Variants in CCDC159 observed in about 807,000 individuals in gnomAD.
CCDC159 encodes the protein coiled-coil domain containing 159.
A neutral mutation model predicts 50.9 loss-of-function variants in CCDC159; 40 were observed. The ratio of observed to expected loss-of-function variants is 0.79; its 90% confidence interval spans 0.61 to 1.02. The LOEUF is 1.02. CCDC159 is among the 50% of genes least tolerant of loss of function. CCDC159 has a pLI of 0.00. For synonymous variants in CCDC159, 146 were observed against 138.9 expected, an observed-to-expected ratio of 1.05 and a Z score of -0.36; for missense variants, 356 against 371.5, an observed-to-expected ratio of 0.96 and a Z score of 0.34.
chr19:11,347,907 G>A (rs989595669), intron 1 of CCDC159, among the ~76,000 whole-genome samples: 1 of 152,158 alleles, frequency 6.6e-6, no homozygotes, highest in Non-Finnish European at 1.5e-5. Context: ...CACGGGTCTG[G>A]GCCCCAATTC....
rs1197549189 is a variant in CCDC159 at position 11,350,981 on chromosome 19, C to A, written c.400C>A (p.Leu134Met). ...RARTTRCLQL[L>M]AQEIRDSKKF... ...CCGCACCACTCGCTGCCTGCAGCTG[C>A]TGGCCCAGGAGATCCGGGACAGGTC... Residue 134 changes from leucine (L) to methionine (M), a missense_variant, in exon 5 of 11, where the codon CTG becomes ATG. Leu to Met is a conservative substitution (Grantham distance 15). Transcript: ENST00000458408. The A allele has an allele frequency of 1.3e-6, 2 of 1,552,490 alleles. No homozygotes were observed. Among genetic ancestry groups the A allele is most frequent in the South Asian group, 2.4e-5 (2 of 84,052 alleles).
intron 5 of CCDC159, 69 bp from the exon 6 acceptor site, chr19:11,351,837 C>G (rs1223386303): frequency 7.1e-7 from 1 of 1,409,770 alleles, no homozygotes. Context: ...TGGGTGGAGG[C>G]ACAGATAGGG....
intron 10 of CCDC159, 54 bp downstream of exon 10, chr19:11,354,750 T>C (rs769405320): frequency 1.2e-6 from 2 of 1,609,232 alleles, no homozygotes; most frequent in East Asian, 4.5e-5. Flanking sequence ...GACCTGCCCT[T>C]GACTCCCACA....
chr19:11,348,908 G>T (rs1257418443), intron 1 of CCDC159: 1 of 1,208,424 alleles, frequency 8.3e-7, no homozygotes, highest in Non-Finnish European at 1.1e-6. Context: ...GACACTGGGA[G>T]GGGCTGGGAA....
chr19:11,351,285 G>T (rs1297850699), intron 5 of CCDC159: 1 of 340,146 alleles, frequency 2.9e-6, no homozygotes, highest in Non-Finnish European at 5.4e-6. Context: ...AAAAATACAA[G>T]AATTAGTCAG....
rs775339880 is a variant in CCDC159, at chr19:11,350,118, G to A, written c.145G>A (p.Ala49Thr). 6.8e-6 allele frequency: 11 copies of A among 1,613,536 alleles called. No individual in the cohort carries two copies. In the South Asian group the frequency reaches 1.2e-4, roughly 18 times the overall value. ...LKSQLQAQTK[A>T]FEFLNHSVTM... ...CCCAAGGCTGACCTCTTTCCCCCAG[G>A]CTTTCGAGTTCCTGAACCACTCAGT... Residue 49 changes from alanine (A) to threonine (T), a missense_variant and splice_region_variant, in exon 4 of 11, where the codon GCT (alanine) becomes ACT (threonine). Transcript: ENST00000458408.
rs756703415 is a variant in CCDC159 at position 11,350,134 on chromosome 19, A to T, written c.161A>T (p.Asn54Ile). Residue 54 changes from asparagine to isoleucine, a missense_variant, in exon 4 of 11, where the codon AAC becomes ATC. Coordinates refer to ENST00000458408, the MANE Select transcript of CCDC159 (RefSeq NM_001080503.3). ...QAQTKAFEFL[N>I]HSVTMLEKES... ...TTCCCCCAGGCTTTCGAGTTCCTGA[A>T]CCACTCAGTGACCATGTTGGAGAAG... 6.2e-7 allele frequency: 1 copy of T among 1,613,616 alleles called. No homozygotes were observed. The highest frequency in any genetic ancestry group is 8.5e-7 in the Non-Finnish European group (1 of 1,179,770).
chr19:11,346,587 G>T lies in CCDC159; in HGVS notation c.-20G>T. ...ATCAAACTTCAGCGTCACAGCTGAGGACTGGCTTCGTGGTCCCTGATGGGA... is the reference window on the plus strand; with the variant it reads ...ATCAAACTTCAGCGTCACAGCTGAGTACTGGCTTCGTGGTCCCTGATGGGA... On this transcript the variant is annotated 5_prime_UTR_variant, in exon 1 of 11. Transcript: ENST00000458408. The T allele has an allele frequency of 6.4e-7, 1 of 1,551,608 alleles. No homozygotes were observed. The highest frequency in any genetic ancestry group is 8.7e-7 in the Non-Finnish European group (1 of 1,146,942).
intron 7 of CCDC159, among the ~76,000 whole-genome samples, chr19:11,352,774 C>CA (rs929007895): frequency 6.7e-4 from 102 of 151,144 alleles, no homozygotes; most frequent in Non-Finnish European, 1.0e-3. Flanking sequence ...CTACAAAAAA[C>CA]AAAAAAAACA....
intron 1 of CCDC159, among the ~76,000 whole-genome samples, chr19:11,347,647 C>T (rs993746835): frequency 6.6e-6 from 1 of 152,100 alleles, no homozygotes; most frequent in Non-Finnish European, 1.5e-5. Flanking sequence ...TTCTGAAGAG[C>T]GTGTAGGAGT....
In CCDC159 at chr19:11,354,916, G is replaced by C; in HGVS notation, c.*39G>C. On this transcript the variant is annotated 3_prime_UTR_variant, in exon 11 of 11. Transcript: ENST00000458408. ...CTCTCCCTGAAGACCCCTCCAGAGA[G>C]AAAATAAACTAGCCCAGACCCTCCT... 6.2e-7 allele frequency: 1 copy of C among 1,608,954 alleles called. No individual in the cohort carries two copies. Among genetic ancestry groups the C allele is most frequent in the Non-Finnish European group, 8.5e-7 (1 of 1,175,614 alleles).
chr19:11,352,184 G>T, intron 7 of CCDC159, 51 bp downstream of exon 7: 1 of 1,580,742 alleles, frequency 6.3e-7, no homozygotes, highest in East Asian at 2.2e-5. Context: ...GGGAGGGATG[G>T]GGATTTTGGC....
intron 1 of CCDC159, among the ~76,000 whole-genome samples, chr19:11,347,969 G>A (rs572155665): frequency 6.8e-4 from 103 of 152,312 alleles, no homozygotes; most frequent in Middle Eastern, 3.4e-3. Flanking sequence ...CACACTCTAT[G>A]GCTGGCATTC....
Position 11,347,996 on chromosome 19 carries a change from C to T in CCDC159, c.21+1369C>T, listed in dbSNP as rs186688518. On this transcript the variant is annotated intron_variant, in intron 1 of 10. Coordinates refer to ENST00000458408, the MANE Select transcript of CCDC159 (RefSeq NM_001080503.3). ...CTGGCATTCACCTGTGGGGCCAGGTCGAAACTCCTGGCTTGGCCGTCAATG... is the reference window on the plus strand; with the variant it reads ...CTGGCATTCACCTGTGGGGCCAGGTTGAAACTCCTGGCTTGGCCGTCAATG... 1.6e-4 allele frequency: 62 copies of T among 399,056 alleles called. No homozygotes were observed. In the East Asian group the frequency reaches 3.6e-3, roughly 23 times the overall value. 24.7% of individuals were successfully genotyped at this position (399,056 alleles called of 1,614,324 possible).
At chr19:11,350,266 C>T (rs1967498719) in intron 4 of CCDC159, 67 bp downstream of exon 4, 4 of 1,411,690 alleles carry the variant, frequency 2.8e-6, no homozygotes, top group Non-Finnish European at 2.9e-6. Flanking sequence ...GTAATCCCAG[C>T]ATTTGGGGAG....
At chr19:11,349,585 C>A (rs1164294937) in intron 1 of CCDC159, 69 bp from the exon 2 acceptor site, 1 of 1,593,666 alleles carries the variant, frequency 6.3e-7, no homozygotes, top group Non-Finnish European at 8.6e-7. Context: ...GCCCTCAAAA[C>A]TGGGTTGAGG....
chr19:11,351,719 T>G, intron 5 of CCDC159, 187 bp from the exon 6 acceptor site: 3 of 486,372 alleles, frequency 6.2e-6, no homozygotes, highest in Non-Finnish European at 1.1e-5. Flanking sequence ...ACTGAGAGAA[T>G]GGGAGGCTGG....
chr19:11,354,857 C>T lies in CCDC159; in HGVS notation c.890-16C>T, dbSNP rs34764693. The T allele has an allele frequency of 0.037, 60,466 of 1,613,280 alleles. 1,716 individuals carry two copies. Among genetic ancestry groups the T allele is most frequent in the African/African-American group, 0.14 (10,551 of 74,928 alleles). On this transcript the variant is annotated splice_polypyrimidine_tract_variant and intron_variant, in intron 10 of 10. Coordinates refer to ENST00000458408, the MANE Select transcript of CCDC159 (RefSeq NM_001080503.3). ...CTGGACCTGGCCAGGCCCTGACCCA[C>T]CCTCTCTCTCCACAGCTTGAGCAGC... is the stretch of plus-strand genomic sequence containing the variant.
chr19:11,354,669 A>G lies in CCDC159; in HGVS notation c.862A>G (p.Ser288Gly). The change falls in exon 10 of 11, where the codon AGC becomes GGC. Residue 288 changes from serine to glycine, a missense_variant. Physicochemically the swap from Ser to Gly is moderately conservative, Grantham distance 56. Transcript: ENST00000458408. The part of the protein sequence containing the change: ...CDQDLSQPPF[S>G]KSGRSFPPA ...CCAGGACCTCTCCCAGCCACCTTTC[A>G]GCAAGAGCGGCCGCTCCTTCCCACC... 2 of 1,606,800 alleles carry G rather than the reference A, an allele frequency of 1.2e-6. No homozygotes were observed. The highest frequency in any genetic ancestry group is 1.7e-6 in the Non-Finnish European group (2 of 1,176,568).
Sources: allele counts gnomAD v4.1 joint callset (sites outside exome capture counted in the v4.1 genomes callset), GRCh38; gene constraint gnomAD v4.1.1; transcripts MANE v1.5; gene names NCBI Gene and HGNC (gene_info 2026-07-23, HGNC 2026-07-21).